The following CDH18 variants were observed in gnomAD, a reference collection of about 807,000 sequenced individuals.
CDH18 encodes the protein cadherin-18.
CDH18 carries 31 observed loss-of-function variants against 67.9 expected under a neutral mutation model. That is an observed-to-expected ratio of 0.46 (90% CI 0.34 to 0.62). CDH18 has a LOEUF of 0.62. Ranked by LOEUF, CDH18 falls within the 20% of genes least tolerant of loss-of-function variation. CDH18 has a pLI of 0.01. For missense variants in CDH18, 890 were observed against 975.5 expected (o/e 0.91, Z 1.17); for synonymous variants, 362 against 347.2 (o/e 1.04, Z -0.48).
intron 1 of CDH18, among the ~76,000 whole-genome samples, chr5:20,573,546 T>A (rs1321265631): frequency 6.2e-5 from 9 of 144,234 alleles, no homozygotes; most frequent in African/African-American, 5.8e-5. Flanking sequence ...AGATGTCAGA[T>A]TATTTGCATA....
chr5:20,547,942 AAT>A (rs1757430847), intron 1 of CDH18, among the ~76,000 whole-genome samples: 1 of 152,020 alleles, frequency 6.6e-6, no homozygotes, highest in African/African-American at 2.4e-5. Flanking sequence ...TCTCAGTTTG[AAT>A]ATAGGTATTA....
chr5:20,196,114 G>A (rs1387021014), intron 2 of CDH18, among the ~76,000 whole-genome samples: 4 of 152,256 alleles, frequency 2.6e-5, no homozygotes. Flanking sequence ...TACAAAGTGA[G>A]AGACGGCAAG....
At chr5:20,451,054 G>A (rs186511362) in intron 1 of CDH18, among the ~76,000 whole-genome samples, 10 of 152,260 alleles carry the variant, frequency 6.6e-5, no homozygotes, top group South Asian at 2.1e-4. Flanking sequence ...CTCCAATGAC[G>A]TGAGAATTAT....
At chr5:20,105,329 T>C (rs959467232) in intron 2 of CDH18, among the ~76,000 whole-genome samples, 2 of 152,130 alleles carry the variant, frequency 1.3e-5, no homozygotes, top group African/African-American at 4.8e-5. Context: ...GGGAGTTATG[T>C]ACATAGAAAC....
intron 2 of CDH18, among the ~76,000 whole-genome samples, chr5:20,107,005 T>C (rs1334702220): frequency 6.7e-6 from 1 of 150,212 alleles, no homozygotes. Context: ...TGTCTGTTAA[T>C]AAAATGGGTC....
chr5:19,673,823 C>G (rs1759091737), intron 5 of CDH18, among the ~76,000 whole-genome samples: 1 of 152,026 alleles, frequency 6.6e-6, no homozygotes, highest in African/African-American at 2.4e-5. Flanking sequence ...CTCCTTTTTA[C>G]AGGGAAAACT....
At chr5:20,306,565 C>T (rs1736479236) in intron 1 of CDH18, among the ~76,000 whole-genome samples, 1 of 152,126 alleles carries the variant, frequency 6.6e-6, no homozygotes, top group Non-Finnish European at 1.5e-5. Context: ...CACTAATAAA[C>T]TACTTTGATA....
At position 19,590,517 on chromosome 5, in the gene CDH18, G is replaced by A. The variant is rs1372360729; in HGVS notation, c.999+540C>T. On this transcript the variant is annotated intron_variant, in intron 7 of 12. Coordinates refer to ENST00000382275, the MANE Select transcript of CDH18 (RefSeq NM_004934.5). ...AGATAGATAGATAGATAGACAGACA[G>A]ACAGATAGATAGATAGATAGACAAC... Among the ~76,000 whole-genome samples, 4 of 151,484 alleles carry A rather than the reference G, an allele frequency of 2.6e-5. No individual in the cohort carries two copies. In the East Asian group the frequency reaches 7.8e-4, roughly 29 times the overall value.
intron 10 of CDH18, among the ~76,000 whole-genome samples, chr5:19,519,196 G>A (rs1205475029): frequency 1.3e-5 from 2 of 152,040 alleles, no homozygotes; most frequent in African/African-American, 2.4e-5. Flanking sequence ...TATGTCTAGA[G>A]TTTTTTATTT....
chr5:20,573,719 A>G (rs1393093061), intron 1 of CDH18, among the ~76,000 whole-genome samples: 1 of 149,576 alleles, frequency 6.7e-6, no homozygotes, highest in Non-Finnish European at 1.5e-5. Flanking sequence ...TACTGCAACA[A>G]TATACATAAA....
chr5:19,875,372 T>C (rs770120117), intron 2 of CDH18, among the ~76,000 whole-genome samples: 2 of 151,902 alleles, frequency 1.3e-5, no homozygotes, highest in Non-Finnish European at 2.9e-5. Context: ...TACTTGAAAA[T>C]ATTCTTCTAT....
chr5:20,167,538 T>C (rs76101408), intron 2 of CDH18, among the ~76,000 whole-genome samples: 6,114 of 152,212 alleles, frequency 0.04, 430 homozygotes, highest in African/African-American at 0.14. Flanking sequence ...ACTATCTTGA[T>C]AATACCAAGA....
At chr5:19,770,950 C>T (rs1039927496) in intron 3 of CDH18, among the ~76,000 whole-genome samples, 3 of 152,092 alleles carry the variant, frequency 2.0e-5, no homozygotes, top group Admixed American at 6.6e-5. Context: ...TTATAAACAG[C>T]ACAACTCAAC....
At chr5:20,066,338 G>A (rs1461769980) in intron 2 of CDH18, among the ~76,000 whole-genome samples, 1 of 152,018 alleles carries the variant, frequency 6.6e-6, no homozygotes, top group Non-Finnish European at 1.5e-5. Context: ...CCAGAAAAAC[G>A]CTACACTTTA....
intron 2 of CDH18, among the ~76,000 whole-genome samples, chr5:20,060,451 G>A (rs1453317087): frequency 1.3e-5 from 2 of 151,784 alleles, no homozygotes; most frequent in African/African-American, 2.4e-5. Context: ...GTGACAAAGC[G>A]AGATTCTGTC....
intron 1 of CDH18, among the ~76,000 whole-genome samples, chr5:20,293,716 T>C (rs968253531): frequency 1.3e-5 from 2 of 152,198 alleles, no homozygotes; most frequent in African/African-American, 4.8e-5. Flanking sequence ...GGTAAAACAG[T>C]ATTACTTTTT....
chr5:19,931,001 A>G (rs1301274635), intron 2 of CDH18, among the ~76,000 whole-genome samples: 1 of 151,982 alleles, frequency 6.6e-6, no homozygotes. Flanking sequence ...TATGATTTAG[A>G]TATATGTTAC....
At chr5:20,469,808 C>G (rs746683767) in intron 1 of CDH18, among the ~76,000 whole-genome samples, 10 of 152,210 alleles carry the variant, frequency 6.6e-5, no homozygotes, top group Admixed American at 2.0e-4. Flanking sequence ...ACCTCCAGGT[C>G]TCTCCTCAAT....
At chr5:20,043,785 G>C (rs902922391) in intron 2 of CDH18, among the ~76,000 whole-genome samples, 2 of 152,154 alleles carry the variant, frequency 1.3e-5, no homozygotes, top group African/African-American at 4.8e-5. Context: ...TGGAAAGGCA[G>C]CTGATATTTT....
Sources: allele counts gnomAD v4.1 joint callset (sites outside exome capture counted in the v4.1 genomes callset), GRCh38; gene constraint gnomAD v4.1.1; transcripts MANE v1.5; gene names NCBI Gene and HGNC (gene_info 2026-07-23, HGNC 2026-07-21).